GMPS: variants seen among roughly 807,000 people sequenced by gnomAD.
GMPS encodes guanosine monophosphate synthase, also known as GMP synthase [glutamine-hydrolyzing].
A neutral mutation model predicts 77.9 loss-of-function variants in GMPS; 15 were observed. The observed-to-expected ratio is 0.19, with a 90% CI of 0.13 to 0.30. GMPS has a LOEUF of 0.30. Among genes scored for constraint, GMPS ranks in the 10% least tolerant of loss-of-function variants. The probability of loss-of-function intolerance (pLI) is 1.00; values close to 1 mark genes in which losing one functional copy is unlikely to be tolerated. For synonymous variants in GMPS, 224 were observed against 275.9 expected (o/e 0.81, Z 1.86); for missense variants, 590 against 838.8 (o/e 0.70, Z 3.66).
intron 11 of GMPS, among the ~76,000 whole-genome samples, chr3:155,924,809 A>T (rs1755408687): frequency 1.3e-5 from 2 of 152,216 alleles, no homozygotes; most frequent in Admixed American, 6.5e-5. Flanking sequence ...TGAAAGGTAT[A>T]GTCTATTCAC....
Position 155,938,097 on chromosome 3 carries a change from T to C in GMPS, c.*405T>C, listed in dbSNP as rs916171530. ...ATTTACCAGTGTTACTTACTACTTA[T>C]ATATACTTTTTGGAGAATCAGTTTT... On this transcript the variant is annotated 3_prime_UTR_variant, in exon 16 of 16. Coordinates refer to ENST00000496455, the MANE Select transcript of GMPS (RefSeq NM_003875.3). 5.2e-5 allele frequency: 12 copies of C among 232,446 alleles called. No individual in the cohort carries two copies. The Admixed American group carries it at 6.6e-4, about 13-fold the overall frequency. 14.4% of individuals were successfully genotyped at this position (232,446 alleles called of 1,614,324 possible).
intron 1 of GMPS, among the ~76,000 whole-genome samples, chr3:155,878,635 C>T (rs187906941): frequency 3.9e-5 from 6 of 152,194 alleles, no homozygotes; most frequent in Admixed American, 3.9e-4. Context: ...CAGTTTATGT[C>T]AGGATTCTCC....
At chr3:155,902,086 CT>C (rs1427254768) in intron 3 of GMPS, among the ~76,000 whole-genome samples, 1 of 152,110 alleles carries the variant, frequency 6.6e-6, no homozygotes, top group African/African-American at 2.4e-5. Flanking sequence ...TACTATATGG[CT>C]TTCTTTGAGG....
Position 155,911,143 on chromosome 3 carries a change from A to G in GMPS, c.750A>G (p.Thr250=). 6.2e-7 allele frequency: 1 copy of G among 1,612,578 alleles called. No individual in the cohort carries two copies. The highest frequency in any genetic ancestry group is 8.5e-7 in the Non-Finnish European group (1 of 1,179,220). ...LVLLSGGVDS[T]VCTALLNRAL... is the part of the protein sequence containing the mutation. ...TACTCAGTGGTGGAGTAGACTCAACAGTTTGTACAGCTTTGCTAAATCGTG... is the reference window on the plus strand; with the variant it reads ...TACTCAGTGGTGGAGTAGACTCAACGGTTTGTACAGCTTTGCTAAATCGTG... Residue 250 remains threonine, a synonymous_variant, in exon 7 of 16, where the codon ACA becomes ACG. Coordinates refer to ENST00000496455, the MANE Select transcript of GMPS (RefSeq NM_003875.3).
upstream of GMPS, chr3:155,870,636 C>G (rs1456148436): frequency 2.1e-6 from 1 of 467,036 alleles, no homozygotes; most frequent in East Asian, 3.6e-5. Context: ...GGGGCGGAAG[C>G]AGGAGGCGGG....
In GMPS at chr3:155,942,514, A is replaced by G. The variant is rs900728225; in HGVS notation, c.*4822A>G. The stretch of plus-strand genomic sequence containing the variant: ...TAGGAGAGAGATGCAGGCCATAGAG[A>G]TGGTCTTGCTGAAGGTCTTATAGCT... On this transcript the variant is annotated 3_prime_UTR_variant, in exon 16 of 16. Transcript: ENST00000496455. 8.8e-6 allele frequency: 2 copies of G among 227,256 alleles called. No individual in the cohort carries two copies. Among genetic ancestry groups the G allele is most frequent in the Non-Finnish European group, 1.7e-5 (2 of 114,362 alleles). The allele number at this position is 227,256 out of a possible 1,614,324, so 14.1% of individuals were successfully genotyped here.
intron 1 of GMPS, among the ~76,000 whole-genome samples, chr3:155,888,027 C>T (rs1754376615): frequency 6.6e-6 from 1 of 151,946 alleles, no homozygotes. Context: ...GAGATGATGG[C>T]CTCTTATGAA....
chr3:155,886,820 C>T (rs1347635943), intron 1 of GMPS, among the ~76,000 whole-genome samples: 2 of 151,930 alleles, frequency 1.3e-5, no homozygotes. Flanking sequence ...GATGACTTAG[C>T]TGGGCTCACC....
chr3:155,938,778 AAG>A lies in GMPS; in HGVS notation c.*1091_*1092del, dbSNP rs1755822112. ...CTTTGTAATCCTTTCTACTAGCTAT[AAG>A]AGAGGATTTAAGAACTGGTGTAGGA... On this transcript the variant is annotated 3_prime_UTR_variant, in exon 16 of 16. Coordinates refer to ENST00000496455, the MANE Select transcript of GMPS (RefSeq NM_003875.3). The A allele has an allele frequency of 4.8e-6, 1 of 210,212 alleles. No individual in the cohort carries two copies. The highest frequency in any genetic ancestry group is 2.3e-5 in the African/African-American group (1 of 44,098). The allele number at this position is 210,212 out of a possible 1,614,324, so 13.0% of individuals were successfully genotyped here.
At chr3:155,892,758 A>G (rs1197839414) in intron 1 of GMPS, among the ~76,000 whole-genome samples, 3 of 152,124 alleles carry the variant, frequency 2.0e-5, no homozygotes, top group Non-Finnish European at 4.4e-5. Context: ...CAGCCTCCCC[A>G]GTAGCTGGGA....
At chr3:155,870,303 T>TA (rs1277560828), upstream of GMPS, among the ~76,000 whole-genome samples, 2 of 152,196 alleles carry the variant, frequency 1.3e-5, no homozygotes, top group African/African-American at 2.4e-5. Flanking sequence ...TCATCCAAGG[T>TA]AGCAGGCAAA....
chr3:155,873,520 C>T (rs992278882), intron 1 of GMPS, among the ~76,000 whole-genome samples: 3 of 151,978 alleles, frequency 2.0e-5, no homozygotes, highest in Non-Finnish European at 4.4e-5. Flanking sequence ...CTTTAGCGTC[C>T]CAAAGTGCTG....
In GMPS at chr3:155,884,838, T is replaced by G. The variant is rs149856903; in HGVS notation, c.28-8680T>G. Among the ~76,000 whole-genome samples, 48 of 152,322 alleles carry G rather than the reference T, an allele frequency of 3.2e-4. No homozygotes were observed. In the East Asian group the frequency reaches 8.5e-3, roughly 27 times the overall value. ...TGGGTGCTAGAACTGGTAACTAAGT[T>G]GAAGCTAAATTGCTTTTTAGTTCAT... On this transcript the variant is annotated intron_variant, in intron 1 of 15. Coordinates refer to ENST00000496455, the MANE Select transcript of GMPS (RefSeq NM_003875.3).
chr3:155,919,185 T>C lies in GMPS; in HGVS notation c.1213-48T>C, dbSNP rs571228147. 2.0e-5 allele frequency: 15 copies of C among 766,952 alleles called. No individual in the cohort carries two copies. In the South Asian group the frequency reaches 2.3e-4, roughly 12 times the overall value. The allele number at this position is 766,952 out of a possible 1,614,324, so 47.5% of individuals were successfully genotyped here. On this transcript the variant is annotated intron_variant, in intron 9 of 15. Transcript: ENST00000496455. ...AATTTATTACGCTTTGTTTTCCATG[T>C]CATCTTGGTTACTAGTTTATATTGG...
chr3:155,896,751 T>TA (rs1553784677), intron 2 of GMPS, among the ~76,000 whole-genome samples: 2,207 of 125,854 alleles, frequency 0.018, 16 homozygotes, highest in East Asian at 0.033. Context: ...TTTTTTTTTT[T>TA]TATAAATTTG....
rs978078311 is a variant in GMPS at position 155,935,104 on chromosome 3, A to G, written c.1807+58A>G. On this transcript the variant is annotated intron_variant, in intron 14 of 15. Coordinates refer to ENST00000496455, the MANE Select transcript of GMPS (RefSeq NM_003875.3). ...TGAAACTAGTTTTTGGAAGCTTGATATTAAGAGTAGGAGGATGTGGCTTTT... is the reference window on the plus strand; with the variant it reads ...TGAAACTAGTTTTTGGAAGCTTGATGTTAAGAGTAGGAGGATGTGGCTTTT... 5.0e-6 allele frequency: 6 copies of G among 1,203,292 alleles called. No homozygotes were observed. The African/African-American group carries it at 6.0e-5, about 12-fold the overall frequency. The allele number at this position is 1,203,292 out of a possible 1,614,324, so 74.5% of individuals were successfully genotyped here.
intron 10 of GMPS, among the ~76,000 whole-genome samples, chr3:155,920,793 G>A (rs1034514206): frequency 4.6e-5 from 7 of 152,070 alleles, no homozygotes; most frequent in Non-Finnish European, 1.0e-4. Context: ...TTATTCTAAA[G>A]GTAAAGAATG....
intron 9 of GMPS, among the ~76,000 whole-genome samples, chr3:155,917,643 C>T (rs1293992613): frequency 2.0e-5 from 3 of 152,032 alleles, no homozygotes; most frequent in Non-Finnish European, 2.9e-5. Context: ...GAGGCTGAGG[C>T]GGGTGGATCA....
intron 12 of GMPS, among the ~76,000 whole-genome samples, chr3:155,929,566 G>A (rs1341661386): frequency 6.0e-5 from 9 of 149,140 alleles, no homozygotes; most frequent in African/African-American, 2.2e-4. Context: ...AAAAGAGGAA[G>A]TCAAGTTGTC....
Sources: allele counts gnomAD v4.1 joint callset (sites outside exome capture counted in the v4.1 genomes callset), GRCh38; gene constraint gnomAD v4.1.1; transcripts MANE v1.5; gene names NCBI Gene and HGNC (gene_info 2026-07-23, HGNC 2026-07-21).